The following STAT4 variants were observed in gnomAD, a reference collection of about 807,000 sequenced individuals.
The protein encoded by STAT4 is signal transducer and activator of transcription 4.
A neutral mutation model predicts 110.5 loss-of-function variants in STAT4; 42 were observed. The observed-to-expected ratio is 0.38, with a 90% CI of 0.30 to 0.49. The LOEUF (loss-of-function observed/expected upper bound fraction) is 0.49. Ranked by LOEUF, STAT4 falls within the 20% of genes least tolerant of loss-of-function variation. The probability of loss-of-function intolerance (pLI) is 0.95; values close to 1 mark genes in which losing one functional copy is unlikely to be tolerated. For missense variants in STAT4, 632 were observed against 887.9 expected, an observed-to-expected ratio of 0.71 and a Z score of 3.66; for synonymous variants, 284 against 302.2, an observed-to-expected ratio of 0.94 and a Z score of 0.63.
chr2:191,104,064 G>C lies in STAT4; in HGVS notation c.274-27739C>G, dbSNP rs906901617. ...AAGGCCTTTGTGATAGCTTTTTGAT[G>C]TACAATACTGAAGAAATAACCATAT... On this transcript the variant is annotated intron_variant, in intron 3 of 23. Transcript: ENST00000392320. The surrounding 1 kb of genome is among the most constrained non-coding windows in gnomAD (Gnocchi z 4.3). 3.3e-5 allele frequency among the ~76,000 whole-genome samples: 5 copies of C among 152,154 alleles called. No homozygotes were observed. The highest frequency in any genetic ancestry group is 3.3e-4 in the Admixed American group (5 of 15,270).
At chr2:191,132,335 C>T (rs1699058484) in intron 3 of STAT4, among the ~76,000 whole-genome samples, 1 of 151,728 alleles carries the variant, frequency 6.6e-6, no homozygotes, top group South Asian at 2.1e-4. Flanking sequence ...AAACCAAGAA[C>T]TTTATAGCAA....
At chr2:191,133,903 G>T (rs912726045) in intron 3 of STAT4, among the ~76,000 whole-genome samples, 1 of 148,160 alleles carries the variant, frequency 6.7e-6, no homozygotes, top group African/African-American at 2.6e-5. Context: ...CTGTACAAAA[G>T]AATATTATTC....
chr2:191,033,925 G>A lies in STAT4; in HGVS notation c.1701C>T (p.Pro567=), dbSNP rs540628434. ...CTATAACTTACCCATCAATCCAAAG[G>A]GGAAGAATGTGTTTCTTAATTAGAT... ...ILDLIKKHIL[P]LWIDGYVMGF... Residue 567 remains proline, a synonymous_variant, in exon 19 of 24, where the codon CCC becomes CCT. Transcript: ENST00000392320. The surrounding 1 kb of genome is among the most constrained non-coding windows in gnomAD (Gnocchi z 6.9). 15 of 1,609,592 alleles carry A rather than the reference G, an allele frequency of 9.3e-6. No homozygotes were observed. The East Asian group carries it at 2.9e-4, about 31-fold the overall frequency.
rs1699573936 is a variant in STAT4 at position 191,150,747 on chromosome 2, C to T, written c.-2+200G>A. Among the ~76,000 whole-genome samples the T allele has an allele frequency of 6.6e-6, 1 of 152,198 alleles. No individual in the cohort carries two copies. The highest frequency in any genetic ancestry group is 1.5e-5 in the Non-Finnish European group (1 of 68,040). Reference sequence around the variant, plus strand: ...GGCACCGTGGCGCGGGCCTGCGGAGCGGTTTCCGCGGAGAACCCGTGCCAG... The same window carrying T: ...GGCACCGTGGCGCGGGCCTGCGGAGTGGTTTCCGCGGAGAACCCGTGCCAG... On this transcript the variant is annotated intron_variant, in intron 1 of 23. Transcript: ENST00000392320. This position sits in a 1 kb window ranked among gnomAD's most constrained non-coding sequence, Gnocchi z 6.4.
intron 3 of STAT4, among the ~76,000 whole-genome samples, chr2:191,100,593 G>A (rs1698124867): frequency 6.6e-6 from 1 of 152,094 alleles, no homozygotes; most frequent in Non-Finnish European, 1.5e-5. Flanking sequence ...CTGCTTACTG[G>A]TTTTGGCTTC....
chr2:191,042,075 A>C lies in STAT4; in HGVS notation c.1252-927T>G, dbSNP rs1353499999. 6.6e-6 allele frequency among the ~76,000 whole-genome samples: 1 copy of C among 152,184 alleles called. No individual in the cohort carries two copies. Among genetic ancestry groups the C allele is most frequent in the Non-Finnish European group, 1.5e-5 (1 of 68,016 alleles). On this transcript the variant is annotated intron_variant, in intron 14 of 23. Transcript: ENST00000392320. This position sits in a 1 kb window ranked among gnomAD's most constrained non-coding sequence, Gnocchi z 4.2. ...AGGTATCTGGGAAGTTTGCCAGACC[A>C]AGGGAGGTAACATACAGCTACTGCC...
At chr2:191,134,721 A>G (rs1015556453) in intron 3 of STAT4, among the ~76,000 whole-genome samples, 4 of 152,256 alleles carry the variant, frequency 2.6e-5, no homozygotes, top group Non-Finnish European at 5.9e-5. Flanking sequence ...TCAAAATTAT[A>G]TCAGATATCT....
chr2:191,066,345 T>C lies in STAT4; in HGVS notation c.630+85A>G. 3.3e-6 allele frequency: 4 copies of C among 1,219,950 alleles called. No individual in the cohort carries two copies. The highest frequency in any genetic ancestry group is 4.7e-6 in the Non-Finnish European group (4 of 845,264). The allele number at this position is 1,219,950 out of a possible 1,614,324, so 75.6% of individuals were successfully genotyped here. On this transcript the variant is annotated intron_variant, in intron 7 of 23. Coordinates refer to ENST00000392320, the MANE Select transcript of STAT4 (RefSeq NM_003151.4). The surrounding 1 kb of genome is among the most constrained non-coding windows in gnomAD (Gnocchi z 4.3). The stretch of plus-strand genomic sequence containing the variant: ...TTCAGTAAATGGAACTGATAAAATC[T>C]GACAGCTTGATTATTTTCAGTTAGT...
chr2:191,031,301 C>T lies in STAT4; in HGVS notation c.2111+149G>A, dbSNP rs1221992330. 7 of 940,144 alleles carry T rather than the reference C, an allele frequency of 7.4e-6. No homozygotes were observed. Among genetic ancestry groups the T allele is most frequent in the Non-Finnish European group, 4.7e-6 (3 of 633,852 alleles). The allele number at this position is 940,144 out of a possible 1,614,324, so 58.2% of individuals were successfully genotyped here. ...GGCACAATAGATTGTGGTAAGTGTG[C>T]CCTGAAGGCTAGCCTTATGTATTAA... On this transcript the variant is annotated intron_variant, in intron 22 of 23. Transcript: ENST00000392320. The surrounding 1 kb of genome is among the most constrained non-coding windows in gnomAD (Gnocchi z 4.8).
chr2:191,102,125 G>T (rs1161441958), intron 3 of STAT4, among the ~76,000 whole-genome samples: 6 of 150,020 alleles, frequency 4.0e-5, no homozygotes, highest in Non-Finnish European at 5.9e-5. Flanking sequence ...GCAATTTTTT[G>T]AATTTTGGCA....
chr2:191,101,261 T>C (rs1331040977), intron 3 of STAT4, among the ~76,000 whole-genome samples: 3 of 152,172 alleles, frequency 2.0e-5, no homozygotes, highest in African/African-American at 7.2e-5. Flanking sequence ...TATGTTAACA[T>C]TTTTATATGG....
At chr2:191,055,652 T>C (rs1386049939) in intron 13 of STAT4, among the ~76,000 whole-genome samples, 1 of 152,170 alleles carries the variant, frequency 6.6e-6, no homozygotes, top group African/African-American at 2.4e-5. Flanking sequence ...CACGCCCAGC[T>C]GATTTTTATT....
At chr2:191,128,564 G>A (rs1363055364) in intron 3 of STAT4, among the ~76,000 whole-genome samples, 1 of 152,188 alleles carries the variant, frequency 6.6e-6, no homozygotes, top group Admixed American at 6.5e-5. Context: ...GACTAAACAA[G>A]AAGGAACTCA....
intron 14 of STAT4, among the ~76,000 whole-genome samples, chr2:191,047,962 G>A (rs778139881): frequency 2.0e-5 from 3 of 152,220 alleles, no homozygotes; most frequent in Non-Finnish European, 4.4e-5. Flanking sequence ...CAACACGCCT[G>A]GTCTATAGTT....
chr2:191,062,010 C>A lies in STAT4; in HGVS notation c.942-189G>T, dbSNP rs1400127001. Among the ~76,000 whole-genome samples, 2 of 152,150 alleles carry A rather than the reference C, an allele frequency of 1.3e-5. No individual in the cohort carries two copies. The highest frequency in any genetic ancestry group is 4.8e-5 in the African/African-American group (2 of 41,430). ...AATCATTTCACAGCAGTAAATGATT[C>A]TTAATTGTTATAATTGAGTCATGAA... is the stretch of plus-strand genomic sequence containing the variant. On this transcript the variant is annotated intron_variant, in intron 9 of 23. Coordinates refer to ENST00000392320, the MANE Select transcript of STAT4 (RefSeq NM_003151.4). The surrounding 1 kb of genome is among the most constrained non-coding windows in gnomAD (Gnocchi z 4.9).
Position 191,146,100 on chromosome 2 carries a change from C to G in STAT4, c.273+513G>C, listed in dbSNP as rs1357827589. Among the ~76,000 whole-genome samples the G allele has an allele frequency of 6.6e-6, 1 of 152,132 alleles. No individual in the cohort carries two copies. Among genetic ancestry groups the G allele is most frequent in the Non-Finnish European group, 1.5e-5 (1 of 68,020 alleles). ...TCGAATATACTAAATGCCACAGTATCGATGTGTTCTGGTGCTGAGGAAACA... is the reference window on the plus strand; with the variant it reads ...TCGAATATACTAAATGCCACAGTATGGATGTGTTCTGGTGCTGAGGAAACA... On this transcript the variant is annotated intron_variant, in intron 3 of 23. Coordinates refer to ENST00000392320, the MANE Select transcript of STAT4 (RefSeq NM_003151.4). The surrounding 1 kb of genome is among the most constrained non-coding windows in gnomAD (Gnocchi z 4.5).
chr2:191,032,307 T>A lies in STAT4; in HGVS notation c.2044+651A>T, dbSNP rs1390315945. The A allele has an allele frequency of 6.6e-6, 1 of 152,226 alleles. No homozygotes were observed. Among genetic ancestry groups the A allele is most frequent in the African/African-American group, 2.4e-5 (1 of 41,432 alleles). 9.4% of individuals were successfully genotyped at this position (152,226 alleles called of 1,614,324 possible). ...CACTTTCATTAAAGAAACAGAATGG[T>A]GAACGTACCTTAAAATTGCATAGTA... On this transcript the variant is annotated intron_variant, in intron 21 of 23. Coordinates refer to ENST00000392320, the MANE Select transcript of STAT4 (RefSeq NM_003151.4). The surrounding 1 kb of genome is among the most constrained non-coding windows in gnomAD (Gnocchi z 4.9).
chr2:191,036,240 C>T lies in STAT4; in HGVS notation c.1494G>A (p.Met498Ile). ...CAACGTACGATGAAAACTGCCAGCT[C>T]ATCACCTCCAGTAGTTGACTCAATG... ...PATLSQLLEV[M>I]SWQFSSYVGR... Residue 498 changes from methionine to isoleucine, a missense_variant, in exon 17 of 24, where the codon ATG becomes ATA. By Grantham distance (10) the Met-to-Ile change is conservative. Around this residue, in one of 4 missense-constraint regions of STAT4, gnomAD observed 488 missense variants for 632.8 expected, o/e 0.77. Coordinates refer to ENST00000392320, the MANE Select transcript of STAT4 (RefSeq NM_003151.4). 6.2e-7 allele frequency: 1 copy of T among 1,614,128 alleles called. No individual in the cohort carries two copies. The highest frequency in any genetic ancestry group is 2.2e-5 in the East Asian group (1 of 44,884).
chr2:191,041,076 TG>T lies in STAT4; in HGVS notation c.1323del (p.Ile442Ter). The T allele has an allele frequency of 6.8e-7, 1 of 1,462,182 alleles. No homozygotes were observed. The allele number at this position is 1,462,182 out of a possible 1,614,324, so 90.6% of individuals were successfully genotyped here. ...FETQICLYGL[T>X]IDLETSSLPV... ...CTTGAAACACCTACCTCCAAATCTA[TG>T]GTCAGGCCATAGAGGCAGATCTGTG... is the stretch of plus-strand genomic sequence containing the variant. On this transcript the variant is annotated frameshift_variant, in exon 15 of 24. Coordinates refer to ENST00000392320, the MANE Select transcript of STAT4 (RefSeq NM_003151.4). LOFTEE classifies it high-confidence loss of function.
Sources: gnomAD v4.1 joint callset for allele counts (sites outside exome capture counted in the v4.1 genomes callset) on GRCh38, gnomAD v4.1.1 for gene constraint, gnomAD v4.1.1 regional missense constraint, Gnocchi (gnomAD v3.1) non-coding constraint, MANE v1.5 for transcripts, NCBI Gene and HGNC (gene_info 2026-07-23, HGNC 2026-07-21) for gene names.